Variants in CAP2 observed in about 807,000 individuals in gnomAD.
CAP2 encodes cyclase associated actin cytoskeleton regulatory protein 2.
CAP2 carries 24 observed loss-of-function variants against 57.7 expected under a neutral mutation model. That is an observed-to-expected ratio of 0.42 (90% CI 0.30 to 0.58). The LOEUF (loss-of-function observed/expected upper bound fraction) is 0.58. Ranked by LOEUF, CAP2 falls within the 20% of genes least tolerant of loss-of-function variation. CAP2 has a pLI of 0.22. For missense variants in CAP2, 501 were observed against 590.3 expected, an observed-to-expected ratio of 0.85 and a Z score of 1.57; for synonymous variants, 194 against 207.2, an observed-to-expected ratio of 0.94 and a Z score of 0.55.
intron 4 of CAP2, among the ~76,000 whole-genome samples, chr6:17,489,982 A>G (rs998797895): frequency 2.0e-5 from 3 of 152,150 alleles, no homozygotes; most frequent in African/African-American, 7.2e-5. Context: ...CCACAAGCTC[A>G]GCAACACACA....
chr6:17,476,469 C>G (rs867025439), intron 4 of CAP2, among the ~76,000 whole-genome samples: 6 of 152,158 alleles, frequency 3.9e-5, no homozygotes, highest in South Asian at 2.1e-4. Context: ...CCTCTCTTGA[C>G]AGCATTTCTC....
chr6:17,461,992 CAAAAAAAAAAAAAAAA>C (rs567675285), intron 3 of CAP2, among the ~76,000 whole-genome samples: 36 of 27,866 alleles, frequency 1.3e-3, no homozygotes, highest in African/African-American at 1.8e-3. Flanking sequence ...GACTCCGTCT[CAAAAAAAAAAAAAAAA>C]AAAAAAAAAA....
At chr6:17,512,248 TG>T (rs1762174624) in intron 6 of CAP2, among the ~76,000 whole-genome samples, 1 of 151,894 alleles carries the variant, frequency 6.6e-6, no homozygotes, top group African/African-American at 2.4e-5. Flanking sequence ...AAAAATTATC[TG>T]GGCATGGTGG....
intron 4 of CAP2, among the ~76,000 whole-genome samples, chr6:17,480,769 T>C (rs1761267305): frequency 7.0e-6 from 1 of 143,834 alleles, no homozygotes; most frequent in Non-Finnish European, 1.5e-5. Context: ...ATGTGGTTTT[T>C]TTGGTTTTTT....
At chr6:17,413,171 G>T (rs1759184682) in intron 1 of CAP2, among the ~76,000 whole-genome samples, 1 of 152,168 alleles carries the variant, frequency 6.6e-6, no homozygotes, top group Non-Finnish European at 1.5e-5. Flanking sequence ...AGAGGAGTCA[G>T]TTGGCTAACC....
intron 12 of CAP2, among the ~76,000 whole-genome samples, chr6:17,553,236 T>C (rs914603315): frequency 1.3e-5 from 2 of 152,184 alleles, no homozygotes; most frequent in Admixed American, 6.5e-5. Flanking sequence ...CCCAGGCACC[T>C]GTAACTGTTA....
At chr6:17,400,811 G>T (rs1426027484) in intron 1 of CAP2, among the ~76,000 whole-genome samples, 3 of 150,694 alleles carry the variant, frequency 2.0e-5, no homozygotes, top group Non-Finnish European at 2.9e-5. Flanking sequence ...CTTGCAGTGA[G>T]CCGAGATCGC....
chr6:17,402,932 A>G (rs1364505988), intron 1 of CAP2, among the ~76,000 whole-genome samples: 4 of 152,122 alleles, frequency 2.6e-5, no homozygotes, highest in Non-Finnish European at 4.4e-5. Context: ...AAGTTTTGAT[A>G]TTTCACTACC....
In CAP2 at chr6:17,406,412, T is replaced by TTTTTTTTTTTTTTTTTTTTC. The variant is rs1197104013; in HGVS notation, c.-2+12667_-2+12668insTTTTTTTTTTTTTTTTTTCT. On this transcript the variant is annotated intron_variant, in intron 1 of 12. Coordinates refer to ENST00000229922, the MANE Select transcript of CAP2 (RefSeq NM_006366.3). ...AGCCCAGATTTCTTTTTTTTTTTTT[T>TTTTTTTTTTTTTTTTTTTTC]TGAGGCAGTCTCACTCTGTCGCCCA... Among the ~76,000 whole-genome samples, 6 of 135,194 alleles carry TTTTTTTTTTTTTTTTTTTTC rather than the reference T, an allele frequency of 4.4e-5. 1 individual carries two copies. The highest frequency in any genetic ancestry group is 2.2e-4 in the African/African-American group (6 of 26,948). The allele number at this position is 135,194 out of a possible 152,430, so 88.7% of individuals were successfully genotyped here.
Position 17,513,317 on chromosome 6 carries a change from T to G in CAP2, c.531-532T>G, listed in dbSNP as rs542880687. ...TTACCTGTTTGTAAGAGATCAATTT[T>G]CTTCCTATACCAACTTCTTTGTCAG... On this transcript the variant is annotated intron_variant, in intron 6 of 12. Transcript: ENST00000229922. The surrounding 1 kb of genome is among the most constrained non-coding windows in gnomAD (Gnocchi z 4.3). 6.6e-6 allele frequency among the ~76,000 whole-genome samples: 1 copy of G among 152,340 alleles called. No homozygotes were observed. The highest frequency in any genetic ancestry group is 1.9e-4 in the East Asian group (1 of 5,192).
chr6:17,524,935 C>T (rs1463780460), intron 7 of CAP2, among the ~76,000 whole-genome samples: 2 of 149,484 alleles, frequency 1.3e-5, no homozygotes, highest in Non-Finnish European at 3.0e-5. Context: ...CTCTTGTCAC[C>T]CAGGCTGGAG....
chr6:17,484,680 G>A (rs1010964555), intron 4 of CAP2, among the ~76,000 whole-genome samples: 12 of 152,142 alleles, frequency 7.9e-5, no homozygotes, highest in East Asian at 7.7e-4. Flanking sequence ...ATATGGAGCC[G>A]GGTCCGTGCA....
intron 1 of CAP2, among the ~76,000 whole-genome samples, chr6:17,412,835 T>C (rs1335436478): frequency 6.6e-6 from 1 of 152,090 alleles, no homozygotes; most frequent in African/African-American, 2.4e-5. Flanking sequence ...GGAAATTGTA[T>C]ATGTGGTTTC....
intron 3 of CAP2, among the ~76,000 whole-genome samples, chr6:17,446,611 G>A (rs975300405): frequency 1.3e-5 from 2 of 152,324 alleles, no homozygotes; most frequent in South Asian, 2.1e-4. Context: ...AATTACTGAC[G>A]GTGGTCACCC....
chr6:17,512,354 C>G (rs556320768), intron 6 of CAP2, among the ~76,000 whole-genome samples: 1 of 151,852 alleles, frequency 6.6e-6, no homozygotes, highest in East Asian at 1.9e-4. Flanking sequence ...TATGATCTCA[C>G]CATTGCACTC....
At chr6:17,543,757 A>G (rs1469223794) in intron 11 of CAP2, among the ~76,000 whole-genome samples, 1 of 151,732 alleles carries the variant, frequency 6.6e-6, no homozygotes, top group Non-Finnish European at 1.5e-5. Flanking sequence ...TCTCAGTGTT[A>G]GTTCTTTCTT....
chr6:17,422,791 C>A (rs778581421), intron 2 of CAP2, among the ~76,000 whole-genome samples: 4 of 152,114 alleles, frequency 2.6e-5, no homozygotes, highest in South Asian at 4.1e-4. Context: ...AATAATTTTT[C>A]CAATTCCTTC....
chr6:17,557,448 C>A lies in CAP2; in HGVS notation c.*1006C>A, dbSNP rs1763340419. 6.6e-6 allele frequency: 1 copy of A among 152,140 alleles called. No homozygotes were observed. The highest frequency in any genetic ancestry group is 2.4e-5 in the African/African-American group (1 of 41,422). 9.4% of individuals were successfully genotyped at this position (152,140 alleles called of 1,614,324 possible). On this transcript the variant is annotated 3_prime_UTR_variant, in exon 13 of 13. Transcript: ENST00000229922. ...TTTGTAGTCTTGATAGTAGATGCTT[C>A]TTCAGCGTAAGAGTAGCTATGATAT...
intron 4 of CAP2, among the ~76,000 whole-genome samples, chr6:17,506,049 C>T (rs1310821251): frequency 6.6e-6 from 1 of 152,014 alleles, no homozygotes; most frequent in Non-Finnish European, 1.5e-5. Flanking sequence ...AGCACACCAC[C>T]ACAGCCACTT....
Sources: allele counts gnomAD v4.1 joint callset (sites outside exome capture counted in the v4.1 genomes callset), GRCh38; gene constraint gnomAD v4.1.1; non-coding constraint Gnocchi (gnomAD v3.1); transcripts MANE v1.5; gene names NCBI Gene and HGNC (gene_info 2026-07-23, HGNC 2026-07-21).